IMPG1: variants seen among roughly 807,000 people sequenced by gnomAD.
The protein encoded by IMPG1 is interphotoreceptor matrix proteoglycan 1, also known as interphotoreceptor matrix proteoglycan of 150 kDa.
IMPG1 carries 85 observed loss-of-function variants against 92.0 expected under a neutral mutation model. The observed-to-expected ratio is 0.92, with a 90% CI of 0.78 to 1.11. The LOEUF (loss-of-function observed/expected upper bound fraction) is 1.11, where lower values mean the gene tolerates loss of function less well. IMPG1 is among the 50% of genes least tolerant of loss of function. IMPG1 has a pLI of 0.00. For missense variants in IMPG1, 1,022 were observed against 956.0 expected, an observed-to-expected ratio of 1.07 and a Z score of -0.91; for synonymous variants, 367 against 334.1, an observed-to-expected ratio of 1.10 and a Z score of -1.08.
At chr6:75,962,313 A>C (rs2149462150) in intron 12 of IMPG1, among the ~76,000 whole-genome samples, 1 of 151,964 alleles carries the variant, frequency 6.6e-6, no homozygotes, top group East Asian at 1.9e-4. Flanking sequence ...TTATGTAGAA[A>C]TGGGGGTCTC....
chr6:75,935,212 G>A (rs1562339216), intron 14 of IMPG1, among the ~76,000 whole-genome samples: 3 of 152,198 alleles, frequency 2.0e-5, no homozygotes, highest in Non-Finnish European at 4.4e-5. Flanking sequence ...AGGGAAGCGA[G>A]GTCTGCAAGG....
intron 14 of IMPG1, among the ~76,000 whole-genome samples, chr6:75,943,970 T>C (rs1420317922): frequency 6.6e-6 from 1 of 152,222 alleles, no homozygotes; most frequent in Non-Finnish European, 1.5e-5. Flanking sequence ...AGATGTCCCT[T>C]TTCTACTACA....
intron 15 of IMPG1, among the ~76,000 whole-genome samples, chr6:75,927,055 A>G (rs1413470228): frequency 1.3e-5 from 2 of 152,180 alleles, no homozygotes; most frequent in Non-Finnish European, 2.9e-5. Context: ...TCAAAGTTGC[A>G]GCACTTGGTG....
At chr6:76,060,294 C>T (rs766989683) in intron 1 of IMPG1, among the ~76,000 whole-genome samples, 1 of 152,166 alleles carries the variant, frequency 6.6e-6, no homozygotes, top group Non-Finnish European at 1.5e-5. Flanking sequence ...GGCAGCATTG[C>T]TGTTCCTTAG....
At chr6:76,051,287 C>T (rs933066830) in intron 1 of IMPG1, among the ~76,000 whole-genome samples, 1 of 152,134 alleles carries the variant, frequency 6.6e-6, no homozygotes, top group African/African-American at 2.4e-5. Flanking sequence ...AGAGCAAAAG[C>T]AATTAAATAC....
intron 14 of IMPG1, among the ~76,000 whole-genome samples, chr6:75,945,550 C>T (rs1330334273): frequency 6.6e-6 from 1 of 152,058 alleles, no homozygotes; most frequent in East Asian, 1.9e-4. Context: ...AGGGTTTTGC[C>T]ATTTTGGCCA....
intron 12 of IMPG1, among the ~76,000 whole-genome samples, chr6:75,956,137 T>G (rs1782116343): frequency 6.6e-6 from 1 of 152,198 alleles, no homozygotes; most frequent in Admixed American, 6.5e-5. Context: ...GGATGCCCTC[T>G]TTTTCTATTG....
chr6:76,031,282 C>G (rs2149487038), intron 4 of IMPG1, among the ~76,000 whole-genome samples: 1 of 152,322 alleles, frequency 6.6e-6, no homozygotes, highest in African/African-American at 2.4e-5. Flanking sequence ...ATCTAATTTT[C>G]TGTGGCTCAT....
At chr6:76,004,086 G>C (rs1783048243) in intron 10 of IMPG1, 136 bp from the exon 11 acceptor site, 1 of 627,404 alleles carries the variant, frequency 1.6e-6, no homozygotes, top group Non-Finnish European at 2.7e-6. Context: ...TAGGAAACCA[G>C]AGGCATAGAA....
At chr6:76,005,155 A>G (rs1783071169) in intron 10 of IMPG1, 132 bp downstream of exon 10, 2 of 849,426 alleles carry the variant, frequency 2.4e-6, no homozygotes, top group Non-Finnish European at 3.7e-6. Flanking sequence ...AAATGATACC[A>G]TATGTATTCC....
intron 14 of IMPG1, among the ~76,000 whole-genome samples, chr6:75,940,849 C>A (rs555503322): frequency 6.6e-6 from 1 of 152,260 alleles, no homozygotes; most frequent in East Asian, 1.9e-4. Flanking sequence ...TCTGCATTTT[C>A]CTCTTGCATC....
chr6:76,071,240 GA>G (rs1253043655), intron 1 of IMPG1, among the ~76,000 whole-genome samples: 1 of 149,140 alleles, frequency 6.7e-6, no homozygotes, highest in East Asian at 1.9e-4. Flanking sequence ...TATGAAAATA[GA>G]AAAAATCGTT....
chr6:76,022,998 C>T (rs1158196198), intron 5 of IMPG1, among the ~76,000 whole-genome samples: 1 of 152,204 alleles, frequency 6.6e-6, no homozygotes, highest in African/African-American at 2.4e-5. Context: ...ATGATTCAAT[C>T]TTTCCTTACT....
At chr6:75,922,388 T>A (rs886614022) in intron 16 of IMPG1, among the ~76,000 whole-genome samples, 1 of 152,198 alleles carries the variant, frequency 6.6e-6, no homozygotes, top group Middle Eastern at 3.2e-3. Flanking sequence ...GGCTGACCCA[T>A]CTCATAGAGC....
intron 1 of IMPG1, among the ~76,000 whole-genome samples, chr6:76,071,940 A>G (rs752274892): frequency 4.6e-5 from 7 of 152,110 alleles, no homozygotes; most frequent in Admixed American, 6.6e-5. Flanking sequence ...TGTCATCATG[A>G]ACCCTGAAGA....
intron 12 of IMPG1, among the ~76,000 whole-genome samples, chr6:75,970,252 T>C (rs1782383250): frequency 6.6e-6 from 1 of 152,184 alleles, no homozygotes; most frequent in South Asian, 2.1e-4. Flanking sequence ...TTAAAATGCG[T>C]AATTAAGAGA....
At chr6:76,063,665 G>A (rs1784248717) in intron 1 of IMPG1, among the ~76,000 whole-genome samples, 1 of 152,326 alleles carries the variant, frequency 6.6e-6, no homozygotes, top group South Asian at 2.1e-4. Context: ...GAATGACTGA[G>A]TTCTGCCCAG....
At chr6:76,061,251 T>C (rs1362376427) in intron 1 of IMPG1, among the ~76,000 whole-genome samples, 1 of 152,232 alleles carries the variant, frequency 6.6e-6, no homozygotes, top group African/African-American at 2.4e-5. Context: ...ATTGTTCATT[T>C]GTACATGAAG....
chr6:75,956,646 G>C (rs1376753394), intron 12 of IMPG1, among the ~76,000 whole-genome samples: 1 of 151,872 alleles, frequency 6.6e-6, no homozygotes, highest in African/African-American at 2.4e-5. Context: ...TTTTGAATTT[G>C]TTTGCTCTTG....
Sources: allele counts gnomAD v4.1 joint callset (sites outside exome capture counted in the v4.1 genomes callset), GRCh38; gene constraint gnomAD v4.1.1; transcripts MANE v1.5; gene names NCBI Gene and HGNC (gene_info 2026-07-23, HGNC 2026-07-21).